Variants in TRPM6 observed in about 807,000 individuals in gnomAD.
TRPM6 encodes channel kinase 2.
Under a neutral mutation model 247.6 loss-of-function variants are expected in TRPM6, and 111 were observed. That is an observed-to-expected ratio of 0.45 (90% CI 0.38 to 0.52). The LOEUF is 0.52. Among genes scored for constraint, TRPM6 ranks in the 20% least tolerant of loss-of-function variants. The pLI, the probability that TRPM6 is intolerant of heterozygous loss-of-function variation, is 0.00. For missense variants in TRPM6, 2,126 were observed against 2,421.5 expected (o/e 0.88, Z 2.56); for synonymous variants, 892 against 853.8 (o/e 1.04, Z -0.78).
intron 15 of TRPM6, among the ~76,000 whole-genome samples, chr9:74,802,749 T>C (rs1828389799): frequency 6.6e-6 from 1 of 152,228 alleles, no homozygotes; most frequent in East Asian, 1.9e-4. Context: ...GAAGTTTCTT[T>C]TCCTTTATTC....
chr9:74,782,192 T>C (rs1827487091), intron 23 of TRPM6, among the ~76,000 whole-genome samples, 170 bp downstream of exon 23: 1 of 152,320 alleles, frequency 6.6e-6, no homozygotes, highest in South Asian at 2.1e-4. Context: ...CTGTTTCCCA[T>C]GCTCCATGTC....
In TRPM6 at chr9:74,771,735, A is replaced by T; in HGVS notation, c.3504T>A (p.Ser1168Arg). 6.2e-7 allele frequency: 1 copy of T among 1,613,960 alleles called. No individual in the cohort carries two copies. Among genetic ancestry groups the T allele is most frequent in the Non-Finnish European group, 8.5e-7 (1 of 1,179,984 alleles). ...ATGTCACTCGGATTCGTTCCTCACA[A>T]CTACAATTCACATCTTCCATCTTCT... ...FHEKMEDVNCSCEERIRVTSE... is the reference protein window; with the variant it reads ...FHEKMEDVNCRCEERIRVTSE... The change falls in exon 25 of 39, where the codon AGT becomes AGA. Residue 1168 changes from serine to arginine, a missense_variant. Ser to Arg is a moderately radical substitution (Grantham distance 110). Coordinates refer to ENST00000360774, the MANE Select transcript of TRPM6 (RefSeq NM_017662.5).
In TRPM6 at chr9:74,724,227, G is replaced by T. The variant is rs934620997; in HGVS notation, c.*386C>A. The T allele has an allele frequency of 3.7e-6, 1 of 270,556 alleles. No individual in the cohort carries two copies. The highest frequency in any genetic ancestry group is 8.8e-5 in the East Asian group (1 of 11,376). The allele number at this position is 270,556 out of a possible 1,614,324, so 16.8% of individuals were successfully genotyped here. ...TGGGTGAGGTGACAAATAGTAGTAG[G>T]GGGTCCAGTCTGCATACATAGTGAG... On this transcript the variant is annotated 3_prime_UTR_variant, in exon 39 of 39. Coordinates refer to ENST00000360774, the MANE Select transcript of TRPM6 (RefSeq NM_017662.5).
Position 74,820,533 on chromosome 9 carries a change from A to G in TRPM6, c.1011-106T>C, listed in dbSNP as rs1170026853. ...AGCTCCCCAGACTGAAAAGGTGTCTATGGACAGTTCTGCCAGAAGAGCAAA... is the reference window on the plus strand; with the variant it reads ...AGCTCCCCAGACTGAAAAGGTGTCTGTGGACAGTTCTGCCAGAAGAGCAAA... On this transcript the variant is annotated intron_variant, in intron 8 of 38. Coordinates refer to ENST00000360774, the MANE Select transcript of TRPM6 (RefSeq NM_017662.5). 4.3e-6 allele frequency: 6 copies of G among 1,392,006 alleles called. No individual in the cohort carries two copies. The African/African-American group carries it at 8.5e-5, about 20-fold the overall frequency. The allele number at this position is 1,392,006 out of a possible 1,614,324, so 86.2% of individuals were successfully genotyped here. A position where few individuals can be genotyped will look rare whatever the true frequency, so the allele number is the denominator to read the frequency against.
chr9:74,863,888 C>CT (rs57621871), intron 1 of TRPM6, among the ~76,000 whole-genome samples: 49,881 of 148,912 alleles, frequency 0.33, 8,747 homozygotes, highest in East Asian at 0.5. Context: ...GCCCGGCAAC[C>CT]TTTTTTTTTT....
chr9:74,751,397 T>A (rs886833241), intron 29 of TRPM6, among the ~76,000 whole-genome samples: 8 of 152,178 alleles, frequency 5.3e-5, no homozygotes, highest in African/African-American at 1.9e-4. Context: ...ACGTAGAAAG[T>A]GGCAGAGCCA....
intron 1 of TRPM6, among the ~76,000 whole-genome samples, chr9:74,868,551 G>A (rs558055980): frequency 6.6e-6 from 1 of 152,030 alleles, no homozygotes; most frequent in African/African-American, 2.4e-5. Context: ...ACCAGCAAAT[G>A]AGAAGCACTT....
At chr9:74,854,023 A>G (rs1830449443) in intron 3 of TRPM6, among the ~76,000 whole-genome samples, 1 of 152,232 alleles carries the variant, frequency 6.6e-6, no homozygotes, top group African/African-American at 2.4e-5. Flanking sequence ...CAAGCATAGA[A>G]GTAGATCAAA....
At chr9:74,732,299 C>T (rs993987922) in intron 37 of TRPM6, among the ~76,000 whole-genome samples, 10 of 152,172 alleles carry the variant, frequency 6.6e-5, no homozygotes, top group Admixed American at 5.9e-4. Context: ...ATGGAAGATG[C>T]TGCCCATGAT....
rs2118838012 is a variant in TRPM6 at position 74,761,771 on chromosome 9, C to T, written c.4710G>A (p.Trp1570Ter). ...SGSSEIGQGA[W>*]VKAKMLTKDR... ...CTTTGGTTAGCATTTTCGCTTTGACCCATGCTCCCTGCCCTATTTCTGAAG... is the reference window on the plus strand; with the variant it reads ...CTTTGGTTAGCATTTTCGCTTTGACTCATGCTCCCTGCCCTATTTCTGAAG... Residue 1570 changes from tryptophan to a stop codon, truncating the protein, a stop_gained, in exon 27 of 39, where the codon TGG becomes TGA. Coordinates refer to ENST00000360774, the MANE Select transcript of TRPM6 (RefSeq NM_017662.5). LOFTEE classifies it high-confidence loss of function. The T allele has an allele frequency of 6.2e-7, 1 of 1,613,962 alleles. No homozygotes were observed. The highest frequency in any genetic ancestry group is 8.5e-7 in the Non-Finnish European group (1 of 1,179,962).
rs1474284059 is a variant in TRPM6, at chr9:74,840,079, C to A, written c.489G>T (p.Leu163Phe). The A allele has an allele frequency of 6.2e-7, 1 of 1,614,098 alleles. No homozygotes were observed. Among genetic ancestry groups the A allele is most frequent in the South Asian group, 1.1e-5 (1 of 91,072 alleles). ...CTCCTGTTGTCTCTGCAGCTTTAAC[C>A]AAACCTTGGCTGAAAATCTCTTTAA... ...SKFKEIFSQG[L>F]VKAAETTGAW... The change falls in exon 5 of 39, where the codon TTG becomes TTT. Residue 163 changes from leucine to phenylalanine, a missense_variant. By Grantham distance (22) the Leu-to-Phe change is conservative. Coordinates refer to ENST00000360774, the MANE Select transcript of TRPM6 (RefSeq NM_017662.5).
intron 16 of TRPM6, among the ~76,000 whole-genome samples, chr9:74,801,159 A>T (rs997818447): frequency 2.7e-5 from 4 of 150,132 alleles, no homozygotes; most frequent in African/African-American, 7.4e-5. Flanking sequence ...GCTGGTCTTG[A>T]ACTCCTAGCC....
At chr9:74,764,056 G>A (rs929947515) in intron 25 of TRPM6, among the ~76,000 whole-genome samples, 3 of 151,366 alleles carry the variant, frequency 2.0e-5, no homozygotes, top group South Asian at 2.1e-4. Context: ...AGACTGACGC[G>A]GAGGTTGCAG....
At chr9:74,798,656 T>C (rs1828186812) in intron 17 of TRPM6, among the ~76,000 whole-genome samples, 1 of 152,168 alleles carries the variant, frequency 6.6e-6, no homozygotes, top group South Asian at 2.1e-4. Flanking sequence ...ATTCTTCTAC[T>C]TGGAATTAGC....
At chr9:74,797,149 A>G (rs777837593) in intron 17 of TRPM6, among the ~76,000 whole-genome samples, 4 of 152,238 alleles carry the variant, frequency 2.6e-5, no homozygotes, top group Non-Finnish European at 4.4e-5. Context: ...CACTGGTGTC[A>G]ACCTAAATGT....
At chr9:74,785,779 T>C (rs911706392) in intron 21 of TRPM6, 95 bp downstream of exon 21, 4 of 1,445,310 alleles carry the variant, frequency 2.8e-6, no homozygotes, top group Non-Finnish European at 3.9e-6. Context: ...CGCCTTGGCC[T>C]CCCAAAGTGC....
intron 1 of TRPM6, among the ~76,000 whole-genome samples, chr9:74,868,459 C>T (rs1830925095): frequency 6.6e-6 from 1 of 151,994 alleles, no homozygotes; most frequent in Admixed American, 6.6e-5. Context: ...CATGCCACTG[C>T]ACTCCAGCCT....
At chr9:74,831,234 G>A (rs1829536094) in intron 6 of TRPM6, among the ~76,000 whole-genome samples, 1 of 152,128 alleles carries the variant, frequency 6.6e-6, no homozygotes, top group Non-Finnish European at 1.5e-5. Flanking sequence ...GCTCCCGCCT[G>A]TAATCCCAGC....
At chr9:74,730,694 C>A (rs1179979993) in intron 37 of TRPM6, among the ~76,000 whole-genome samples, 1 of 152,262 alleles carries the variant, frequency 6.6e-6, no homozygotes, top group African/African-American at 2.4e-5. Flanking sequence ...GTGATGCTGA[C>A]CTTGTTGGTC....
Sources: allele counts gnomAD v4.1 joint callset (sites outside exome capture counted in the v4.1 genomes callset), GRCh38; gene constraint gnomAD v4.1.1; transcripts MANE v1.5; gene names NCBI Gene and HGNC (gene_info 2026-07-23, HGNC 2026-07-21).